Variants in HDX observed in about 807,000 individuals in gnomAD.
HDX encodes the protein chromosome X open reading frame 43.
A neutral mutation model predicts 45.2 loss-of-function variants in HDX; 19 were observed. The ratio of observed to expected loss-of-function variants is 0.42; its 90% CI spans 0.29 to 0.62. The LOEUF is 0.62. Ranked by LOEUF, HDX falls within the 20% of genes least tolerant of loss-of-function variation. The probability of loss-of-function intolerance (pLI) is 0.20; values close to 1 mark genes in which losing one functional copy is unlikely to be tolerated. For synonymous variants in HDX, 188 were observed against 172.8 expected (o/e 1.09, Z -0.69); for missense variants, 532 against 493.9 (o/e 1.08, Z -0.73).
chrX:84,382,744 CAA>C (rs917635319), intron 5 of HDX, among the ~76,000 whole-genome samples: 1 of 110,754 alleles, frequency 9.0e-6, no homozygotes, highest in African/African-American at 3.3e-5. Context: ...TTAATGGCTA[CAA>C]AAAGAGTCAG....
chrX:84,372,380 A>T (rs1378680453), intron 5 of HDX, among the ~76,000 whole-genome samples: 1 of 111,809 alleles, frequency 8.9e-6, no homozygotes, highest in African/African-American at 3.3e-5. Context: ...GCCTTAATTA[A>T]AAAGAAAAAT....
chrX:84,440,906 G>A (rs1419198291), intron 4 of HDX, among the ~76,000 whole-genome samples: 1 of 110,738 alleles, frequency 9.0e-6, no homozygotes, highest in Non-Finnish European at 1.9e-5. Flanking sequence ...AAAATTCAAT[G>A]CTTTTTGAAG....
chrX:84,336,917 G>A (rs183026100), intron 7 of HDX, 37 bp from the exon 8 acceptor site: 27 of 916,420 alleles, frequency 2.9e-5, no homozygotes, highest in Admixed American at 1.3e-4. Context: ...TTTTCATTTC[G>A]CAAAACTTTC....
intron 4 of HDX, among the ~76,000 whole-genome samples, chrX:84,451,982 A>C (rs1262320685): frequency 9.0e-6 from 1 of 111,686 alleles, no homozygotes; most frequent in African/African-American, 3.3e-5. Flanking sequence ...TCCCTTCATG[A>C]GAAAAACAAC....
At chrX:84,390,447 T>C (rs1304158651) in intron 5 of HDX, among the ~76,000 whole-genome samples, 1 of 111,660 alleles carries the variant, frequency 9.0e-6, no homozygotes, top group Non-Finnish European at 1.9e-5. Flanking sequence ...TTCTGAAAAT[T>C]TGCTTAGCTT....
intron 5 of HDX, among the ~76,000 whole-genome samples, chrX:84,397,680 C>T (rs1371857951): frequency 1.8e-5 from 2 of 111,658 alleles, no homozygotes; most frequent in Non-Finnish European, 3.8e-5. Flanking sequence ...TTTGGATAAT[C>T]TATTCAAAGT....
intron 5 of HDX, among the ~76,000 whole-genome samples, chrX:84,403,124 A>G (rs1602389524): frequency 9.0e-6 from 1 of 111,277 alleles, no homozygotes; most frequent in Admixed American, 9.7e-5. Context: ...GTCACTGTTA[A>G]CTAACTCATT....
intron 1 of HDX, chrX:84,500,295 A>G (rs2041090920): frequency 1.1e-5 from 1 of 90,450 alleles, no homozygotes; most frequent in Admixed American, 1.1e-4. Flanking sequence ...ATTTCCCAGG[A>G]AATTGTTTTC....
intron 4 of HDX, among the ~76,000 whole-genome samples, chrX:84,461,442 A>G (rs895269917): frequency 2.0e-4 from 22 of 111,158 alleles, no homozygotes; most frequent in South Asian, 3.8e-4. Context: ...TTTTCAACAA[A>G]TGGTGCTAGG....
chrX:84,338,532 C>T (rs1273008112), intron 7 of HDX, among the ~76,000 whole-genome samples: 2 of 110,529 alleles, frequency 1.8e-5, no homozygotes, highest in Non-Finnish European at 3.8e-5. Flanking sequence ...CCTCATGTTG[C>T]ATATTAGATC....
intron 5 of HDX, among the ~76,000 whole-genome samples, chrX:84,433,373 G>C (rs2039549121): frequency 9.0e-6 from 1 of 111,402 alleles, no homozygotes; most frequent in Admixed American, 9.6e-5. Flanking sequence ...TATTTTTTGT[G>C]TGAGAGGAGG....
chrX:84,480,287 A>AGTTGTCC (rs1248142308), intron 2 of HDX, among the ~76,000 whole-genome samples: 1 of 111,685 alleles, frequency 9.0e-6, no homozygotes, highest in Non-Finnish European at 1.9e-5. Flanking sequence ...GTTGTCCACA[A>AGTTGTCC]ACAGGGACAA....
chrX:84,455,672 G>A (rs758112269), intron 4 of HDX, among the ~76,000 whole-genome samples: 27 of 111,992 alleles, frequency 2.4e-4, no homozygotes, highest in Non-Finnish European at 4.9e-4. Context: ...AGGGATAATA[G>A]CAGAATCTCC....
At chrX:84,497,653 G>C (rs1290851137) in intron 1 of HDX, among the ~76,000 whole-genome samples, 1 of 109,484 alleles carries the variant, frequency 9.1e-6, no homozygotes, top group Admixed American at 9.9e-5. Context: ...GGTTCAGAAG[G>C]AGAAAAGAAA....
At chrX:84,383,218 C>T (rs867509772) in intron 5 of HDX, among the ~76,000 whole-genome samples, 13 of 110,734 alleles carry the variant, frequency 1.2e-4, no homozygotes, top group African/African-American at 3.9e-4. Flanking sequence ...TGTTTAGAAT[C>T]AACAAGAATA....
chrX:84,445,253 T>TA (rs1175418799), intron 4 of HDX, among the ~76,000 whole-genome samples: 1 of 111,851 alleles, frequency 8.9e-6, no homozygotes, highest in African/African-American at 3.2e-5. Flanking sequence ...AGCATTTTGT[T>TA]AAATGGTATT....
intron 5 of HDX, among the ~76,000 whole-genome samples, chrX:84,364,052 G>T (rs947156045): frequency 9.0e-6 from 1 of 111,573 alleles, no homozygotes; most frequent in Admixed American, 9.6e-5. Flanking sequence ...TATTTTCTCA[G>T]CCTCAAGGAC....
rs142587033 is a variant in HDX at position 84,370,551 on chromosome X, A to G, written c.1306-8939T>C. On this transcript the variant is annotated intron_variant, in intron 5 of 10. Coordinates refer to ENST00000373177, the MANE Select transcript of HDX (RefSeq NM_001177479.2). ...GGCTTTCAGTCTCTGGAGTTCTGGCATCCAAATCCCTGACCCACTCCTTTC... is the reference window on the plus strand; with the variant it reads ...GGCTTTCAGTCTCTGGAGTTCTGGCGTCCAAATCCCTGACCCACTCCTTTC... Among the ~76,000 whole-genome samples the G allele has an allele frequency of 4.2e-3, 469 of 112,329 alleles. 3 individuals are homozygous for G. The highest frequency in any genetic ancestry group is 0.014 in the African/African-American group (438 of 30,955).
chrX:84,408,634 G>A (rs1485514374), intron 5 of HDX, among the ~76,000 whole-genome samples: 1 of 106,352 alleles, frequency 9.4e-6, no homozygotes, highest in Non-Finnish European at 1.9e-5. Context: ...ATAGCATTCA[G>A]TCTGTGAATT....
Sources: allele counts gnomAD v4.1 joint callset (sites outside exome capture counted in the v4.1 genomes callset), GRCh38; gene constraint gnomAD v4.1.1; transcripts MANE v1.5; gene names NCBI Gene and HGNC (gene_info 2026-07-23, HGNC 2026-07-21).